Variants in DBI observed in about 807,000 individuals in gnomAD.
DBI encodes acyl-CoA-binding protein.
In DBI, 12 loss-of-function variants were observed where a neutral mutation model predicts 13.0. The ratio of observed to expected loss-of-function variants is 0.92; its 90% CI spans 0.59 to 1.49. DBI has a LOEUF of 1.49. DBI is among the 40% of genes most tolerant of loss of function. DBI has a pLI of 0.00. For missense variants in DBI, 95 were observed against 104.8 expected, an observed-to-expected ratio of 0.91 and a Z score of 0.41; for synonymous variants, 37 against 37.4, an observed-to-expected ratio of 0.99 and a Z score of 0.04.
Position 119,372,283 on chromosome 2 carries a change from A to G in DBI, c.229A>G (p.Lys77Glu). Reference protein sequence around the residue: ...KEDAMKAYINKVEELKKKYGI With the variant: ...KEDAMKAYINEVEELKKKYGI ...AGATGCCATGAAAGCTTACATCAAC[A>G]AAGTAGAAGAGCTAAAGAAAAAATA... The change falls in exon 4 of 4, where the codon AAA (lysine) becomes GAA (glutamate). Residue 77 changes from lysine (K) to glutamate (E), a missense_variant. Lys to Glu is a moderately conservative substitution (Grantham distance 56, BLOSUM62 1). Coordinates refer to ENST00000355857, the MANE Select transcript of DBI (RefSeq NM_001079862.4). The G allele has an allele frequency of 6.2e-7, 1 of 1,613,820 alleles. No homozygotes were observed. The highest frequency in any genetic ancestry group is 2.2e-5 in the East Asian group (1 of 44,878).
Position 119,367,031 on chromosome 2 carries a change from A to G in DBI, c.-21A>G. On this transcript the variant is annotated 5_prime_UTR_variant, in exon 1 of 4. Transcript: ENST00000355857. ...CTCGCCTCCTCCGCTGTCTCCCTGG[A>G]GTTCTTGCAAGTCGGCCAGGATGTC... is the stretch of plus-strand genomic sequence containing the variant. 6.2e-7 allele frequency: 1 copy of G among 1,613,984 alleles called. No homozygotes were observed. The highest frequency in any genetic ancestry group is 8.5e-7 in the Non-Finnish European group (1 of 1,179,982).
chr2:119,371,143 T>C (rs534286755), intron 3 of DBI, among the ~76,000 whole-genome samples: 207 of 152,246 alleles, frequency 1.4e-3, no homozygotes, highest in African/African-American at 4.7e-3. Flanking sequence ...CCCTCTCCCC[T>C]ACAAGGCCAG....
rs559197216 is a variant in DBI at position 119,368,230 on chromosome 2, A to G, written c.52A>G (p.Thr18Ala). ...KAAEEVRHLK[T>A]KPSDEEMLFI... Reference sequence around the variant, plus strand: ...TGCAGAGGAGGTTAGGCACCTTAAGACCAAGCCATCGGATGAGGAGATGCT... The same window carrying G: ...TGCAGAGGAGGTTAGGCACCTTAAGGCCAAGCCATCGGATGAGGAGATGCT... Residue 18 changes from threonine to alanine, a missense_variant, in exon 2 of 4, where the codon ACC becomes GCC. Physicochemically the swap from Thr to Ala is moderately conservative, Grantham distance 58 (BLOSUM62 0). Transcript: ENST00000355857. The G allele has an allele frequency of 6.2e-7, 1 of 1,613,970 alleles. No homozygotes were observed. Among genetic ancestry groups the G allele is most frequent in the South Asian group, 1.1e-5 (1 of 91,070 alleles).
intron 2 of DBI, 72 bp downstream of exon 2, chr2:119,368,377 G>A: frequency 1.7e-6 from 2 of 1,144,258 alleles, no homozygotes; most frequent in Admixed American, 1.7e-5. Flanking sequence ...GGAAGTCCCT[G>A]GGAACTTCAC....
In DBI at chr2:119,367,050, G is replaced by C. The variant is rs763279404; in HGVS notation, c.-2G>C. The C allele has an allele frequency of 6.2e-7, 1 of 1,614,130 alleles. No homozygotes were observed. ...CCCTGGAGTTCTTGCAAGTCGGCCA[G>C]GATGTCTCAGGTACAGCGCGTGCAC... On this transcript the variant is annotated 5_prime_UTR_variant, in exon 1 of 4. Coordinates refer to ENST00000355857, the MANE Select transcript of DBI (RefSeq NM_001079862.4).
rs1274155573 is a variant in DBI at position 119,367,290 on chromosome 2, T to C, written c.9+230T>C. The stretch of plus-strand genomic sequence containing the variant: ...AACTGCCGGAAAGTTGCCCATGGGG[T>C]GGACTTCGCTGTGTAGCGGGAGAGG... On this transcript the variant is annotated intron_variant, in intron 1 of 3. Transcript: ENST00000355857. 4.2e-6 allele frequency: 6 copies of C among 1,436,262 alleles called. No individual in the cohort carries two copies. The East Asian group carries it at 1.5e-4, about 36-fold the overall frequency. 89.0% of individuals were successfully genotyped at this position (1,436,262 alleles called of 1,614,324 possible). A position where few individuals can be genotyped will look rare whatever the true frequency, so the allele number is the denominator to read the frequency against.
Position 119,368,325 on chromosome 2 carries a change from G to GTT in DBI, c.127+20_127+21insTT. On this transcript the variant is annotated intron_variant, in intron 2 of 3. Transcript: ENST00000355857. Reference sequence around the variant, plus strand: ...ATACAGGTATGCAGAGCGGGGGTTGGAAGGGCATCTGCTCATCAAAGCAGG... The same window carrying GTT: ...ATACAGGTATGCAGAGCGGGGGTTGGTTAAGGGCATCTGCTCATCAAAGCAGG... 2 of 1,575,086 alleles carry GTT rather than the reference G, an allele frequency of 1.3e-6. No homozygotes were observed. Among genetic ancestry groups the GTT allele is most frequent in the Non-Finnish European group, 1.7e-6 (2 of 1,144,470 alleles).
In DBI at chr2:119,368,256, G is replaced by C; in HGVS notation, c.78G>C (p.Leu26=). 1 of 1,614,112 alleles carries C rather than the reference G, an allele frequency of 6.2e-7. No individual in the cohort carries two copies. Among genetic ancestry groups the C allele is most frequent in the Non-Finnish European group, 8.5e-7 (1 of 1,179,998 alleles). The change falls in exon 2 of 4, where the codon CTG becomes CTC. Residue 26 remains leucine, a synonymous_variant. Transcript: ENST00000355857. The part of the protein sequence containing the change: ...LKTKPSDEEM[L]FIYGHYKQAT... ...CCAAGCCATCGGATGAGGAGATGCT[G>C]TTCATCTATGGCCACTACAAACAAG...
chr2:119,367,270 C>T, intron 1 of DBI: 1 of 1,437,078 alleles, frequency 7.0e-7, no homozygotes, highest in East Asian at 2.5e-5. Flanking sequence ...CCCGCAACTG[C>T]CGGAAAGTTG....
At position 119,367,446 on chromosome 2, in the gene DBI, G is replaced by A. The variant is rs756082891; in HGVS notation, c.9+386G>A. The A allele has an allele frequency of 4.5e-6, 7 of 1,558,762 alleles. No homozygotes were observed. In the South Asian group the frequency reaches 7.1e-5, roughly 16 times the overall value. ...GGCGGAGTGGGGAAGCGAGGAGTCC[G>A]TGGCCGAGAGCTTGGAGGTCAGGGG... On this transcript the variant is annotated intron_variant, in intron 1 of 3. Transcript: ENST00000355857.
intron 2 of DBI, among the ~76,000 whole-genome samples, chr2:119,369,003 G>A (rs1424690730): frequency 1.3e-5 from 2 of 152,214 alleles, no homozygotes; most frequent in Non-Finnish European, 2.9e-5. Context: ...TGAGGAAGAA[G>A]GCGAGCATGG....
In DBI at chr2:119,372,465, T is replaced by G; in HGVS notation, c.*147T>G. On this transcript the variant is annotated 3_prime_UTR_variant, in exon 4 of 4. Transcript: ENST00000355857. ...CTGCTCACCATACGGCTCTAACAGATTAGGGGCTAAAACGATTACTGACTT... is the reference window on the plus strand; with the variant it reads ...CTGCTCACCATACGGCTCTAACAGAGTAGGGGCTAAAACGATTACTGACTT... 1 of 581,688 alleles carries G rather than the reference T, an allele frequency of 1.7e-6. No individual in the cohort carries two copies. The highest frequency in any genetic ancestry group is 2.2e-5 in the South Asian group (1 of 46,358). The allele number at this position is 581,688 out of a possible 1,614,324, so 36.0% of individuals were successfully genotyped here.
intron 2 of DBI, among the ~76,000 whole-genome samples, chr2:119,369,700 C>A (rs12466117): frequency 6.6e-6 from 1 of 151,912 alleles, no homozygotes; most frequent in Non-Finnish European, 1.5e-5. Flanking sequence ...GCAGGAGAAT[C>A]GCTTGAACCT....
chr2:119,368,050 A>C (rs1681196804), intron 1 of DBI, 138 bp from the exon 2 acceptor site: 18 of 1,528,974 alleles, frequency 1.2e-5, no homozygotes, highest in Non-Finnish European at 1.6e-5. Context: ...GACACACTTC[A>C]GGGGCTGCAT....
chr2:119,368,460 C>A, intron 2 of DBI, 155 bp downstream of exon 2: 1 of 646,002 alleles, frequency 1.5e-6, no homozygotes, highest in Non-Finnish European at 2.8e-6. Context: ...AGACCATGTT[C>A]CGGATTCTCA....
At position 119,372,245 on chromosome 2, in the gene DBI, G is replaced by C. The variant is rs1413843635; in HGVS notation, c.191G>C (p.Gly64Ala). ...AKWDAWNELK[G>A]TSKEDAMKAY... Reference sequence around the variant, plus strand: ...ACATAATCCTGTCGATTCCTTACAGGGACTTCCAAGGAAGATGCCATGAAA... The same window carrying C: ...ACATAATCCTGTCGATTCCTTACAGCGACTTCCAAGGAAGATGCCATGAAA... Residue 64 changes from glycine to alanine, a missense_variant and splice_region_variant, in exon 4 of 4, where the codon GGG (glycine) becomes GCG (alanine). Gly to Ala is a moderately conservative substitution (Grantham distance 60). Transcript: ENST00000355857. 1.9e-6 allele frequency: 3 copies of C among 1,612,352 alleles called. No homozygotes were observed. The Admixed American group carries it at 5.0e-5, about 27-fold the overall frequency.
At position 119,370,765 on chromosome 2, in the gene DBI, G is replaced by T. The variant is rs536554408; in HGVS notation, c.153G>T (p.Thr51=). 1 of 1,613,890 alleles carries T rather than the reference G, an allele frequency of 6.2e-7. No homozygotes were observed. Among genetic ancestry groups the T allele is most frequent in the African/African-American group, 1.3e-5 (1 of 74,904 alleles). ...AACGGCCCGGGATGTTGGACTTCAC[G>T]GGCAAGGCCAAGTGGGATGCCTGGA... The part of the protein sequence containing the change: ...NTERPGMLDF[T]GKAKWDAWNE... Residue 51 remains threonine (T), a synonymous_variant, in exon 3 of 4, where the codon ACG becomes ACT. Coordinates refer to ENST00000355857, the MANE Select transcript of DBI (RefSeq NM_001079862.4).
In DBI at chr2:119,370,805, A is replaced by C; in HGVS notation, c.190+3A>C. On this transcript the variant is annotated splice_donor_region_variant and intron_variant, in intron 3 of 3. Coordinates refer to ENST00000355857, the MANE Select transcript of DBI (RefSeq NM_001079862.4). ...GGATGCCTGGAATGAGCTGAAAGGTAATTGTTCTAATCAATTTCTCTCATT... is the reference window on the plus strand; with the variant it reads ...GGATGCCTGGAATGAGCTGAAAGGTCATTGTTCTAATCAATTTCTCTCATT... The C allele has an allele frequency of 6.2e-7, 1 of 1,612,892 alleles. No individual in the cohort carries two copies. Among genetic ancestry groups the C allele is most frequent in the Non-Finnish European group, 8.5e-7 (1 of 1,179,052 alleles).
At chr2:119,367,739 G>A (rs8192501) in intron 1 of DBI, 44,125 of 1,607,268 alleles carry the variant, frequency 0.027, 793 homozygotes, top group Non-Finnish European at 0.032. Context: ...CCTTTCAGCT[G>A]TTTCCAGCAT....
Sources: allele counts gnomAD v4.1 joint callset (sites outside exome capture counted in the v4.1 genomes callset), GRCh38; gene constraint gnomAD v4.1.1; transcripts MANE v1.5; gene names NCBI Gene and HGNC (gene_info 2026-07-23, HGNC 2026-07-21).